Variants in GALNT13 observed in about 807,000 individuals in gnomAD.
The protein encoded by GALNT13 is UDP-GalNAc:polypeptide N-acetylgalactosaminyltransferase 13.
Under a neutral mutation model 64.2 loss-of-function variants are expected in GALNT13, and 28 were observed. The observed-to-expected ratio is 0.44, with a 90% CI of 0.32 to 0.60. The LOEUF (loss-of-function observed/expected upper bound fraction) is 0.60, where lower values mean the gene tolerates loss of function less well. Ranked by LOEUF, GALNT13 falls within the 20% of genes least tolerant of loss-of-function variation. The pLI is 0.05. For missense variants in GALNT13, 577 were observed against 669.8 expected (o/e 0.86, Z 1.53); for synonymous variants, 214 against 224.6 (o/e 0.95, Z 0.42).
the GALNT13 span, among the ~76,000 whole-genome samples, chr2:153,858,395 C>T: frequency 6.6e-6 from 1 of 152,120 alleles, no homozygotes; most frequent in African/African-American, 2.4e-5. Context: ...GTAATAAGAT[C>T]TAACTTGGGT....
At chr2:154,029,657 A>T (rs1291304341) in intron 3 of GALNT13, among the ~76,000 whole-genome samples, 2 of 152,206 alleles carry the variant, frequency 1.3e-5, no homozygotes, top group Non-Finnish European at 2.9e-5. Context: ...AACAAAATGT[A>T]CAAGACGTGT....
At chr2:153,152,092 A>T in the GALNT13 span, among the ~76,000 whole-genome samples, 8 of 152,008 alleles carry the variant, frequency 5.3e-5, no homozygotes, top group Non-Finnish European at 1.0e-4. Context: ...GAGAGCTAGT[A>T]CTAAACCCTG....
the GALNT13 span, among the ~76,000 whole-genome samples, chr2:153,857,065 T>G: frequency 6.6e-6 from 1 of 152,130 alleles, no homozygotes; most frequent in African/African-American, 2.4e-5. Context: ...ACTGGTTACC[T>G]TTGGGAAACT....
intron 1 of GALNT13, among the ~76,000 whole-genome samples, chr2:153,886,148 A>G (rs771052375): frequency 1.3e-5 from 2 of 151,266 alleles, no homozygotes; most frequent in Admixed American, 6.6e-5. Flanking sequence ...CTAGTCTTTT[A>G]TAGTATAAAA....
intron 9 of GALNT13, among the ~76,000 whole-genome samples, chr2:154,389,093 T>C (rs1206117246): frequency 6.6e-6 from 1 of 152,200 alleles, no homozygotes; most frequent in Non-Finnish European, 1.5e-5. Flanking sequence ...GATATAACTT[T>C]GATTTGCTTA....
the GALNT13 span, among the ~76,000 whole-genome samples, chr2:153,273,283 T>A: frequency 2.6e-4 from 40 of 152,238 alleles, no homozygotes; most frequent in East Asian, 7.7e-4. Context: ...ATAATTTTTT[T>A]AAAAAAATGA....
At chr2:153,521,816 T>C in the GALNT13 span, among the ~76,000 whole-genome samples, 1 of 152,192 alleles carries the variant, frequency 6.6e-6, no homozygotes, top group Non-Finnish European at 1.5e-5. Flanking sequence ...AATTGATCTC[T>C]TTCCCTTAGT....
chr2:154,265,686 CA>C (rs1690957513), intron 8 of GALNT13, among the ~76,000 whole-genome samples: 1 of 152,012 alleles, frequency 6.6e-6, no homozygotes, highest in Non-Finnish European at 1.5e-5. Flanking sequence ...GCAAGAAGAG[CA>C]AAACTCTGTC....
At chr2:153,127,352 G>A in the GALNT13 span, among the ~76,000 whole-genome samples, 1 of 152,090 alleles carries the variant, frequency 6.6e-6, no homozygotes, top group Non-Finnish European at 1.5e-5. Context: ...TGCAAGTCAT[G>A]TGGCCTCTCA....
At chr2:153,366,681 C>T in the GALNT13 span, among the ~76,000 whole-genome samples, 1 of 149,402 alleles carries the variant, frequency 6.7e-6, no homozygotes, top group Admixed American at 6.8e-5. Context: ...GATCCAGAAA[C>T]TCAGAGAACA....
the GALNT13 span, among the ~76,000 whole-genome samples, chr2:153,301,059 G>A: frequency 6.6e-6 from 1 of 151,934 alleles, no homozygotes; most frequent in Non-Finnish European, 1.5e-5. Flanking sequence ...ACAAAAATTA[G>A]CCAGGCATGT....
chr2:153,731,724 A>G, the GALNT13 span, among the ~76,000 whole-genome samples: 1 of 151,998 alleles, frequency 6.6e-6, no homozygotes, highest in Non-Finnish European at 1.5e-5. Context: ...AAAAATTGGC[A>G]TAGGAAATAT....
chr2:153,254,104 C>A, the GALNT13 span, among the ~76,000 whole-genome samples: 3 of 152,030 alleles, frequency 2.0e-5, no homozygotes, highest in African/African-American at 7.2e-5. Context: ...GTCCTGGACT[C>A]TTTTTGGTTG....
chr2:154,330,631 G>A (rs1695118263), intron 9 of GALNT13, among the ~76,000 whole-genome samples: 1 of 151,994 alleles, frequency 6.6e-6, no homozygotes. Flanking sequence ...CAGTGATTTG[G>A]CCATTCAGCA....
chr2:153,635,877 T>C, the GALNT13 span, among the ~76,000 whole-genome samples: 1 of 152,138 alleles, frequency 6.6e-6, no homozygotes, highest in Non-Finnish European at 1.5e-5. Flanking sequence ...AAAAGGCTTT[T>C]TGAAATTTCA....
the GALNT13 span, among the ~76,000 whole-genome samples, chr2:153,266,966 A>G: frequency 6.6e-6 from 1 of 152,256 alleles, no homozygotes; most frequent in South Asian, 2.1e-4. Context: ...CATGCAAGTC[A>G]GTTACTTCCA....
At chr2:153,258,389 C>A in the GALNT13 span, among the ~76,000 whole-genome samples, 12 of 151,922 alleles carry the variant, frequency 7.9e-5, no homozygotes, top group East Asian at 1.5e-3. Flanking sequence ...CAAAACAAAA[C>A]AAAACAAAAC....
intron 2 of GALNT13, among the ~76,000 whole-genome samples, chr2:153,920,665 C>T (rs1448605891): frequency 2.0e-5 from 3 of 151,934 alleles, no homozygotes; most frequent in Non-Finnish European, 4.4e-5. Context: ...TTCTGCAAAC[C>T]AAAGGAAACT....
the GALNT13 span, among the ~76,000 whole-genome samples, chr2:153,171,375 TAC>T: frequency 5.3e-5 from 8 of 152,182 alleles, no homozygotes; most frequent in Non-Finnish European, 7.3e-5. Context: ...ATAAAATTAT[TAC>T]AGAGGAAGCA....
Sources: gnomAD v4.1 joint callset for allele counts (sites outside exome capture counted in the v4.1 genomes callset) on GRCh38, gnomAD v4.1.1 for gene constraint, MANE v1.5 for transcripts, NCBI Gene and HGNC (gene_info 2026-07-23, HGNC 2026-07-21) for gene names.